Variants in LYN observed in about 807,000 individuals in gnomAD.
LYN encodes LYN proto-oncogene, Src family tyrosine kinase, also known as tyrosine-protein kinase Lyn.
Under a neutral mutation model 65.0 loss-of-function variants are expected in LYN, and 12 were observed. The observed-to-expected ratio is 0.18, with a 90% CI of 0.12 to 0.30. The LOEUF (loss-of-function observed/expected upper bound fraction) is 0.30, where lower values mean the gene tolerates loss of function less well. Ranked by LOEUF, LYN falls within the 10% of genes least tolerant of loss-of-function variation. LYN has a pLI of 1.00. For synonymous variants in LYN, 222 were observed against 221.2 expected, an observed-to-expected ratio of 1.00 and a Z score of -0.03; for missense variants, 380 against 623.2, an observed-to-expected ratio of 0.61 and a Z score of 4.16.
intron 12 of LYN, among the ~76,000 whole-genome samples, chr8:56,008,579 A>T (rs568208085): frequency 5.9e-5 from 9 of 152,332 alleles, no homozygotes; most frequent in African/African-American, 1.9e-4. Context: ...TCATGCAGGA[A>T]AATGTTATTA....
At chr8:55,965,011 C>T (rs748079540) in intron 8 of LYN, among the ~76,000 whole-genome samples, 1 of 149,672 alleles carries the variant, frequency 6.7e-6, no homozygotes, top group Non-Finnish European at 1.5e-5. Context: ...GTGACACCAG[C>T]AGCTATTACT....
intron 12 of LYN, among the ~76,000 whole-genome samples, chr8:56,008,485 A>G (rs1166648648): frequency 6.6e-6 from 1 of 152,244 alleles, no homozygotes; most frequent in African/African-American, 2.4e-5. Flanking sequence ...CCTACAGAAC[A>G]GGGTATCCAT....
intron 1 of LYN, among the ~76,000 whole-genome samples, chr8:55,923,493 G>A (rs924925611): frequency 5.3e-5 from 8 of 151,948 alleles, no homozygotes; most frequent in South Asian, 2.1e-4. Context: ...AAGGCAACCC[G>A]ACAGCAGAAA....
intron 1 of LYN, among the ~76,000 whole-genome samples, chr8:55,890,895 T>A (rs1289372132): frequency 1.3e-5 from 2 of 151,842 alleles, no homozygotes; most frequent in African/African-American, 2.4e-5. Flanking sequence ...GCCTGGCTAG[T>A]TTTTTGTATT....
intron 6 of LYN, among the ~76,000 whole-genome samples, chr8:55,951,272 A>G (rs909370045): frequency 1.1e-4 from 17 of 152,074 alleles, no homozygotes; most frequent in African/African-American, 4.1e-4. Flanking sequence ...AAGAAAAGAA[A>G]AGTACTGTAG....
intron 4 of LYN, among the ~76,000 whole-genome samples, chr8:55,949,794 A>G (rs1028152405): frequency 3.9e-5 from 6 of 152,110 alleles, no homozygotes; most frequent in Non-Finnish European, 8.8e-5. Context: ...CATACAATCC[A>G]TCTACTTAAA....
intron 1 of LYN, among the ~76,000 whole-genome samples, chr8:55,886,742 T>G (rs1804808718): frequency 6.6e-6 from 1 of 152,174 alleles, no homozygotes; most frequent in South Asian, 2.1e-4. Flanking sequence ...AGAGTTTGTT[T>G]GTTCTGATGC....
intron 1 of LYN, among the ~76,000 whole-genome samples, chr8:55,911,821 G>C (rs1805647762): frequency 6.6e-6 from 1 of 152,132 alleles, no homozygotes; most frequent in Non-Finnish European, 1.5e-5. Flanking sequence ...GCGACTTCTT[G>C]GTTTTAAACT....
intron 1 of LYN, among the ~76,000 whole-genome samples, chr8:55,901,776 C>A (rs79726138): frequency 6.6e-6 from 1 of 152,162 alleles, no homozygotes; most frequent in Non-Finnish European, 1.5e-5. Context: ...GGCTAGGAAC[C>A]GGCTCCCAGC....
intron 8 of LYN, among the ~76,000 whole-genome samples, chr8:55,965,581 A>G (rs1807429698): frequency 6.6e-6 from 1 of 152,364 alleles, no homozygotes; most frequent in African/African-American, 2.4e-5. Context: ...GAACAAAATT[A>G]AAATCGCTCG....
At chr8:55,921,414 AC>A (rs1805944746) in intron 1 of LYN, among the ~76,000 whole-genome samples, 2 of 152,212 alleles carry the variant, frequency 1.3e-5, no homozygotes, top group South Asian at 4.1e-4. Context: ...ACTGATAGAC[AC>A]CTCTAGAGTT....
chr8:55,914,047 A>T (rs1317504295), intron 1 of LYN, among the ~76,000 whole-genome samples: 3 of 152,092 alleles, frequency 2.0e-5, no homozygotes, highest in Non-Finnish European at 2.9e-5. Flanking sequence ...TTTTGGAAAG[A>T]TAAGTGGACT....
intron 1 of LYN, among the ~76,000 whole-genome samples, chr8:55,892,230 G>C (rs908210221): frequency 6.6e-6 from 1 of 152,280 alleles, no homozygotes; most frequent in Non-Finnish European, 1.5e-5. Context: ...AGACCAGCCT[G>C]GTCAACAAAG....
chr8:55,890,383 G>A (rs1172974488), intron 1 of LYN, among the ~76,000 whole-genome samples: 5 of 152,064 alleles, frequency 3.3e-5, no homozygotes, highest in Non-Finnish European at 7.4e-5. Flanking sequence ...AAATCATGAT[G>A]AAATCATGTC....
At chr8:55,922,057 G>A (rs997160365) in intron 1 of LYN, among the ~76,000 whole-genome samples, 4 of 152,120 alleles carry the variant, frequency 2.6e-5, no homozygotes, top group African/African-American at 9.7e-5. Flanking sequence ...AAAGGAGTGG[G>A]TGGAGAATGA....
rs556471229 is a variant in LYN at position 55,887,331 on chromosome 8, A to G, written c.-6+7228A>G. Among the ~76,000 whole-genome samples the G allele has an allele frequency of 3.7e-4, 57 of 152,212 alleles. 3 individuals carry two copies. In the South Asian group the frequency reaches 0.01, roughly 28 times the overall value. On this transcript the variant is annotated intron_variant, in intron 1 of 12. Transcript: ENST00000519728. ...AACACAAACTAGTAGATGACATGAT[A>G]CCATTTCTGAAATAAAATATTCATA... is the stretch of plus-strand genomic sequence containing the variant.
intron 1 of LYN, among the ~76,000 whole-genome samples, chr8:55,884,538 C>T (rs1007531435): frequency 1.3e-5 from 2 of 152,158 alleles, no homozygotes; most frequent in Non-Finnish European, 2.9e-5. Flanking sequence ...TTCACTGCAC[C>T]TCCATCTCCT....
At chr8:55,956,121 A>C (rs532471807) in intron 8 of LYN, among the ~76,000 whole-genome samples, 2 of 152,030 alleles carry the variant, frequency 1.3e-5, no homozygotes, top group Non-Finnish European at 2.9e-5. Context: ...TAAAAAAAGA[A>C]TGACTTGGCT....
intron 1 of LYN, among the ~76,000 whole-genome samples, chr8:55,889,176 G>T (rs188857989): frequency 9.9e-4 from 150 of 152,194 alleles, no homozygotes; most frequent in African/African-American, 3.4e-3. Context: ...CACCAGGCCT[G>T]CGTAATTTTT....
Sources: gnomAD v4.1 joint callset for allele counts (sites outside exome capture counted in the v4.1 genomes callset) on GRCh38, gnomAD v4.1.1 for gene constraint, MANE v1.5 for transcripts, NCBI Gene and HGNC (gene_info 2026-07-23, HGNC 2026-07-21) for gene names.